The following LPP variants were observed in gnomAD, a reference collection of about 807,000 sequenced individuals.
LPP encodes the protein LIM domain containing preferred translocation partner in lipoma.
In LPP, 38 loss-of-function variants were observed where a neutral mutation model predicts 60.4. The observed-to-expected ratio is 0.63, with a 90% CI of 0.49 to 0.83. The LOEUF (loss-of-function observed/expected upper bound fraction) is 0.83, where lower values mean the gene tolerates loss of function less well. Among genes scored for constraint, LPP ranks in the 40% least tolerant of loss-of-function variants. The pLI is 0.00. For missense variants in LPP, 902 were observed against 783.6 expected, an observed-to-expected ratio of 1.15 and a Z score of -1.80; for synonymous variants, 328 against 290.8, an observed-to-expected ratio of 1.13 and a Z score of -1.30.
chr3:188,874,537 A>G lies in LPP; in HGVS notation c.*58A>G. 1 of 1,583,800 alleles carries G rather than the reference A, an allele frequency of 6.3e-7. No individual in the cohort carries two copies. Among genetic ancestry groups the G allele is most frequent in the Admixed American group, 1.7e-5 (1 of 58,948 alleles). ...AACGAACACAAGAAAAAGATAAGAAATACTAGAGTAAAGGCCATCAAACTA... is the reference window on the plus strand; with the variant it reads ...AACGAACACAAGAAAAAGATAAGAAGTACTAGAGTAAAGGCCATCAAACTA... On this transcript the variant is annotated 3_prime_UTR_variant, in exon 12 of 12. Coordinates refer to ENST00000617246, the MANE Select transcript of LPP (RefSeq NM_001375462.1).
chr3:188,492,244 A>T (rs1808589673), intron 5 of LPP, among the ~76,000 whole-genome samples: 1 of 152,202 alleles, frequency 6.6e-6, no homozygotes, highest in African/African-American at 2.4e-5. Context: ...CTCAAAGTTA[A>T]GTGAGACTAT....
intron 3 of LPP, among the ~76,000 whole-genome samples, chr3:188,392,965 T>G (rs1780053339): frequency 1.3e-5 from 2 of 152,168 alleles, no homozygotes; most frequent in Non-Finnish European, 2.9e-5. Context: ...GAAATAGTTG[T>G]TAGTAATCCC....
At chr3:188,649,733 T>C (rs192892344) in intron 7 of LPP, among the ~76,000 whole-genome samples, 6 of 152,204 alleles carry the variant, frequency 3.9e-5, no homozygotes, top group African/African-American at 1.4e-4. Context: ...GAGAGAGAGA[T>C]GAAACAACTA....
intron 2 of LPP, among the ~76,000 whole-genome samples, chr3:188,232,219 T>C (rs563966770): frequency 9.2e-5 from 14 of 152,354 alleles, no homozygotes; most frequent in African/African-American, 3.1e-4. Flanking sequence ...GTCAAGCTTA[T>C]TAGTGACTTT....
Position 188,785,534 on chromosome 3 carries a change from TC to T in LPP, c.1410+25253del, listed in dbSNP as rs59109049. On this transcript the variant is annotated intron_variant, in intron 9 of 11. Coordinates refer to ENST00000617246, the MANE Select transcript of LPP (RefSeq NM_001375462.1). ...CATATATATATATATATATATTCCA[TC>T]ATATATATATATACACACACACACA... Among the ~76,000 whole-genome samples the T allele has an allele frequency of 3.5e-3, 55 of 15,716 alleles. 15 individuals are homozygous for T. The South Asian group carries it at 0.059, about 17-fold the overall frequency. 10.3% of individuals were successfully genotyped at this position (15,716 alleles called of 152,430 possible).
At chr3:188,787,897 A>G (rs1383130367) in intron 9 of LPP, among the ~76,000 whole-genome samples, 1 of 152,212 alleles carries the variant, frequency 6.6e-6, no homozygotes, top group Admixed American at 6.6e-5. Flanking sequence ...AGCTCCAGAT[A>G]TGTATCTATC....
At chr3:188,282,382 C>T (rs1020585563) in intron 2 of LPP, among the ~76,000 whole-genome samples, 4 of 152,058 alleles carry the variant, frequency 2.6e-5, no homozygotes, top group East Asian at 3.8e-4. Context: ...GCCATGGTAG[C>T]GCAGGAGGGA....
At chr3:188,586,739 T>TTC (rs1837541724) in intron 6 of LPP, among the ~76,000 whole-genome samples, 1 of 151,258 alleles carries the variant, frequency 6.6e-6, no homozygotes, top group Non-Finnish European at 1.5e-5. Flanking sequence ...ATTGTTTTTT[T>TTC]TTTTTTTAAG....
rs1414392250 is a variant in LPP at position 188,613,244 on chromosome 3, ATATATCTATATCTATACC to A, written c.1113+3417_1113+3434del. Among the ~76,000 whole-genome samples, 68 of 89,134 alleles carry A rather than the reference ATATATCTATATCTATACC, an allele frequency of 7.6e-4. 1 individual carries two copies. The highest frequency in any genetic ancestry group is 2.3e-3 in the African/African-American group (67 of 29,234). 58.5% of individuals were successfully genotyped at this position (89,134 alleles called of 152,430 possible). ...ACAGAACTCGTGTCCTGTGCATTTT[ATATATCTATATCTATACC>A]TATATCTATATCTATATCTATATCT... is the stretch of plus-strand genomic sequence containing the variant. On this transcript the variant is annotated intron_variant, in intron 7 of 11. Transcript: ENST00000617246.
rs539479521 is a variant in LPP, at chr3:188,377,037, G to A, written c.-9-29075G>A. 1.3e-4 allele frequency among the ~76,000 whole-genome samples: 20 copies of A among 152,252 alleles called. No individual in the cohort carries two copies. The East Asian group carries it at 3.3e-3, about 25-fold the overall frequency. On this transcript the variant is annotated intron_variant, in intron 3 of 11. Transcript: ENST00000617246. Reference sequence around the variant, plus strand: ...TTAAGAATGTTGAATATTGGTCCCCGCTCTCTTCTGGCTTGTAGAGTTTCT... The same window carrying A: ...TTAAGAATGTTGAATATTGGTCCCCACTCTCTTCTGGCTTGTAGAGTTTCT...
intron 8 of LPP, among the ~76,000 whole-genome samples, chr3:188,738,255 AAAC>A (rs1287551945): frequency 1.3e-5 from 2 of 152,136 alleles, no homozygotes; most frequent in African/African-American, 4.8e-5. Context: ...TCCTTTGCGA[AAAC>A]AACAATAAAC....
chr3:188,801,593 A>T (rs1747294316), intron 9 of LPP, among the ~76,000 whole-genome samples: 1 of 152,146 alleles, frequency 6.6e-6, no homozygotes, highest in Non-Finnish European at 1.5e-5. Flanking sequence ...CAAGCTTTTA[A>T]TTCTATAAAT....
intron 4 of LPP, among the ~76,000 whole-genome samples, chr3:188,415,121 T>A (rs909801671): frequency 6.6e-6 from 1 of 152,178 alleles, no homozygotes; most frequent in African/African-American, 2.4e-5. Context: ...GAGATACATA[T>A]TAATCATCTT....
intron 5 of LPP, among the ~76,000 whole-genome samples, chr3:188,493,790 C>T (rs1809105290): frequency 6.6e-6 from 1 of 152,066 alleles, no homozygotes; most frequent in Admixed American, 6.6e-5. Flanking sequence ...ATCTTTCATT[C>T]ACCTTTTTCT....
intron 1 of LPP, among the ~76,000 whole-genome samples, chr3:188,216,402 C>T (rs1713637536): frequency 6.6e-6 from 1 of 151,752 alleles, no homozygotes; most frequent in African/African-American, 2.4e-5. Flanking sequence ...TCCCGAGTAG[C>T]TAGGACTACA....
At chr3:188,648,799 G>T (rs552040996) in intron 7 of LPP, among the ~76,000 whole-genome samples, 4 of 152,280 alleles carry the variant, frequency 2.6e-5, no homozygotes, top group Admixed American at 1.3e-4. Flanking sequence ...GGCACTGGAG[G>T]TTTATTTTTT....
chr3:188,176,335 T>G (rs1028881141), intron 1 of LPP, among the ~76,000 whole-genome samples: 38 of 152,056 alleles, frequency 2.5e-4, no homozygotes, highest in African/African-American at 9.2e-4. Context: ...ATAAATAAAT[T>G]TAAAAAAGAG....
At chr3:188,215,961 T>G (rs574388626) in intron 1 of LPP, among the ~76,000 whole-genome samples, 4 of 152,330 alleles carry the variant, frequency 2.6e-5, no homozygotes, top group African/African-American at 9.6e-5. Context: ...TCTTTTGTAT[T>G]GGGCTCTAGG....
At chr3:188,442,335 C>T (rs1213210798) in intron 4 of LPP, among the ~76,000 whole-genome samples, 1 of 152,172 alleles carries the variant, frequency 6.6e-6, no homozygotes, top group Admixed American at 6.5e-5. Context: ...CGTGTGTTCT[C>T]ATTGTTCAAC....
Sources: allele counts gnomAD v4.1 joint callset (sites outside exome capture counted in the v4.1 genomes callset), GRCh38; gene constraint gnomAD v4.1.1; transcripts MANE v1.5; gene names NCBI Gene and HGNC (gene_info 2026-07-23, HGNC 2026-07-21).